HADHB: variants seen among roughly 807,000 people sequenced by gnomAD.
HADHB encodes trifunctional enzyme subunit beta, mitochondrial.
In HADHB, 50 loss-of-function variants were observed where a neutral mutation model predicts 61.9. That is an observed-to-expected ratio of 0.81 (90% confidence interval 0.64 to 1.02). HADHB has a LOEUF of 1.02. Among genes scored for constraint, HADHB ranks in the 50% least tolerant of loss-of-function variants. The pLI is 0.00. For synonymous variants in HADHB, 191 were observed against 201.6 expected (o/e 0.95, Z 0.45); for missense variants, 504 against 586.5 (o/e 0.86, Z 1.45).
At chr2:26,246,628 A>G (rs1201964076) in intron 1 of HADHB, among the ~76,000 whole-genome samples, 1 of 152,152 alleles carries the variant, frequency 6.6e-6, no homozygotes, top group Non-Finnish European at 1.5e-5. Context: ...AGTGTGAGCC[A>G]CCACGCCCGA....
intron 10 of HADHB, among the ~76,000 whole-genome samples, chr2:26,281,978 C>T (rs1331042073): frequency 1.3e-5 from 2 of 151,550 alleles, no homozygotes; most frequent in Non-Finnish European, 2.9e-5. Flanking sequence ...TCCAGCTTCT[C>T]GGTTGTCATT....
intron 15 of HADHB, among the ~76,000 whole-genome samples, chr2:26,289,123 G>A (rs911181027): frequency 3.3e-5 from 5 of 152,028 alleles, no homozygotes; most frequent in Non-Finnish European, 5.9e-5. Context: ...GGTGGCGGGC[G>A]CCTGTAGTCC....
chr2:26,283,381 A>G (rs530109294), intron 12 of HADHB, among the ~76,000 whole-genome samples: 3 of 152,140 alleles, frequency 2.0e-5, no homozygotes, highest in Admixed American at 1.3e-4. Flanking sequence ...AAAATTAGCC[A>G]GGCGTGGTGG....
At chr2:26,246,735 A>AT (rs111553681) in intron 1 of HADHB, among the ~76,000 whole-genome samples, 3 of 152,192 alleles carry the variant, frequency 2.0e-5, no homozygotes, top group Non-Finnish European at 2.9e-5. Flanking sequence ...ATTTGGCTCC[A>AT]TTTTTTTGCT....
In HADHB at chr2:26,248,496, G is replaced by C. The variant is rs115219628; in HGVS notation, c.-9+3506G>C. Among the ~76,000 whole-genome samples, 449 of 151,834 alleles carry C rather than the reference G, an allele frequency of 3.0e-3. 2 individuals are homozygous for C. Among genetic ancestry groups the C allele is most frequent in the African/African-American group, 0.011 (438 of 41,388 alleles). ...TATTTTACGCTAGAGACCTATATAT[G>C]CTATACATACATTTTGAATATTTCT... On this transcript the variant is annotated intron_variant, in intron 1 of 15. Coordinates refer to ENST00000317799, the MANE Select transcript of HADHB (RefSeq NM_000183.3).
At chr2:26,288,910 T>G (rs1673151756) in intron 15 of HADHB, among the ~76,000 whole-genome samples, 2 of 152,194 alleles carry the variant, frequency 1.3e-5, no homozygotes, top group Admixed American at 1.3e-4. Context: ...TCATCTAAAC[T>G]AAGGACATAG....
chr2:26,267,953 A>G (rs1485119408), intron 4 of HADHB, among the ~76,000 whole-genome samples: 1 of 152,026 alleles, frequency 6.6e-6, no homozygotes, highest in Non-Finnish European at 1.5e-5. Flanking sequence ...CGGCATGGAC[A>G]AAGTGAGACT....
intron 5 of HADHB, among the ~76,000 whole-genome samples, chr2:26,270,774 C>G (rs1293473902): frequency 6.6e-6 from 1 of 152,056 alleles, no homozygotes; most frequent in Non-Finnish European, 1.5e-5. Flanking sequence ...TACTTTATAG[C>G]ACTTGACACT....
intron 1 of HADHB, chr2:26,245,544 G>A (rs970170404): frequency 6.6e-6 from 1 of 151,914 alleles, no homozygotes; most frequent in Non-Finnish European, 1.5e-5. Context: ...TTTCCGATCT[G>A]GATGATTATC....
At chr2:26,254,808 A>G (rs1226417040) in intron 3 of HADHB, 1 of 281,260 alleles carries the variant, frequency 3.6e-6, no homozygotes, top group African/African-American at 2.2e-5. Flanking sequence ...TGCTCTTGAG[A>G]CCTGCTATGG....
intron 3 of HADHB, chr2:26,261,096 CT>C: frequency 1.9e-6 from 2 of 1,069,286 alleles, no homozygotes; most frequent in Non-Finnish European, 2.8e-6. Flanking sequence ...ATCTAATCAG[CT>C]TTTATATTGA....
In HADHB at chr2:26,251,036, C is replaced by T. The variant is rs72849946; in HGVS notation, c.-8-3211C>T. Among the ~76,000 whole-genome samples, 957 of 125,862 alleles carry T rather than the reference C, an allele frequency of 7.6e-3. 10 individuals are homozygous for T. Among genetic ancestry groups the T allele is most frequent in the African/African-American group, 0.023 (896 of 39,454 alleles). 82.6% of individuals were successfully genotyped at this position (125,862 alleles called of 152,430 possible). Reference sequence around the variant, plus strand: ...TGAATTCATGGAATAATTTCTTTCTCTCAGCTAACTCAAGTGTTATATTTA... The same window carrying T: ...TGAATTCATGGAATAATTTCTTTCTTTCAGCTAACTCAAGTGTTATATTTA... On this transcript the variant is annotated intron_variant, in intron 1 of 15. Coordinates refer to ENST00000317799, the MANE Select transcript of HADHB (RefSeq NM_000183.3).
At chr2:26,246,896 A>AC (rs1174880278) in intron 1 of HADHB, among the ~76,000 whole-genome samples, 1 of 152,148 alleles carries the variant, frequency 6.6e-6, no homozygotes, top group Non-Finnish European at 1.5e-5. Flanking sequence ...ACACAGGTAT[A>AC]CCCCTAACTG....
chr2:26,266,871 C>CAAAAAAAAAAAAA (rs56401595), intron 4 of HADHB, among the ~76,000 whole-genome samples: 643 of 45,368 alleles, frequency 0.014, 121 homozygotes, highest in African/African-American at 0.038. Context: ...CACTCTCTCT[C>CAAAAAAAAAAAAA]AAAAAAAAAA....
chr2:26,280,148 A>C, intron 10 of HADHB, 33 bp downstream of exon 10: 2 of 1,568,168 alleles, frequency 1.3e-6, no homozygotes, highest in South Asian at 2.2e-5. Flanking sequence ...TTTAGTAGTG[A>C]CTTTTCTATT....
At chr2:26,289,425 G>A (rs1673175761) in intron 15 of HADHB, among the ~76,000 whole-genome samples, 1 of 148,388 alleles carries the variant, frequency 6.7e-6, no homozygotes, top group Admixed American at 6.6e-5. Context: ...TTTGTGATTT[G>A]GGTGAGTCAC....
intron 10 of HADHB, among the ~76,000 whole-genome samples, chr2:26,280,966 C>G (rs1361345240): frequency 6.7e-6 from 1 of 150,204 alleles, no homozygotes; most frequent in South Asian, 2.1e-4. Context: ...TAGGTTGGAG[C>G]ATAAGGTATG....
chr2:26,262,625 T>C (rs139691524), intron 3 of HADHB, among the ~76,000 whole-genome samples: 95 of 152,330 alleles, frequency 6.2e-4, no homozygotes, highest in Non-Finnish European at 1.0e-3. Flanking sequence ...TATTTAGGCA[T>C]GTAGATTTTT....
At chr2:26,256,894 G>A (rs1269582554) in intron 3 of HADHB, among the ~76,000 whole-genome samples, 1 of 152,120 alleles carries the variant, frequency 6.6e-6, no homozygotes, top group Admixed American at 6.5e-5. Flanking sequence ...CAGAATGAGA[G>A]TCCTTAGGTG....
Sources: gnomAD v4.1 joint callset for allele counts (sites outside exome capture counted in the v4.1 genomes callset) on GRCh38, gnomAD v4.1.1 for gene constraint, MANE v1.5 for transcripts, NCBI Gene and HGNC (gene_info 2026-07-23, HGNC 2026-07-21) for gene names.